Variants in CELF4 observed in about 807,000 individuals in gnomAD.
The protein encoded by CELF4 is CUG-BP- and ETR-3-like factor 4.
CELF4 carries 18 observed loss-of-function variants against 59.9 expected under a neutral mutation model. The ratio of observed to expected loss-of-function variants is 0.30; its 90% CI spans 0.21 to 0.45. CELF4 has a LOEUF of 0.45. Ranked by LOEUF, CELF4 falls within the 20% of genes least tolerant of loss-of-function variation. The pLI is 1.00. For synonymous variants in CELF4, 261 were observed against 267.1 expected, an observed-to-expected ratio of 0.98 and a Z score of 0.22; for missense variants, 456 against 689.0, an observed-to-expected ratio of 0.66 and a Z score of 3.79.
At chr18:37,292,119 G>C (rs1258048049) in intron 3 of CELF4, among the ~76,000 whole-genome samples, 1 of 152,130 alleles carries the variant, frequency 6.6e-6, no homozygotes, top group Non-Finnish European at 1.5e-5. Flanking sequence ...ACCAGATATG[G>C]AATCTGCTGG....
chr18:37,264,850 A>C (rs1004433751), intron 9 of CELF4, 93 bp from the exon 10 acceptor site: 22 of 1,127,032 alleles, frequency 2.0e-5, no homozygotes, highest in Non-Finnish European at 2.4e-5. Context: ...CAGTAAAAGC[A>C]GATCAGCCAA....
intron 3 of CELF4, among the ~76,000 whole-genome samples, chr18:37,297,750 C>T (rs977308409): frequency 1.3e-5 from 2 of 152,234 alleles, no homozygotes; most frequent in African/African-American, 4.8e-5. Context: ...ACGTCTTTCA[C>T]CACTTTTTGG....
Position 37,274,422 on chromosome 18 carries a change from G to A in CELF4, c.690C>T (p.Ala230=). The change falls in exon 6 of 13, where the codon GCC becomes GCT. Residue 230 remains alanine (A), a synonymous_variant. Transcript: ENST00000420428. ...GASSSLVVKF[A]DTDKERTMRR... is the part of the protein sequence containing the mutation. ...GCATCGTGCGCTCCTTGTCGGTGTC[G>A]GCGAACTTGACCACCAGACTGGACG... 6.2e-7 allele frequency: 1 copy of A among 1,613,330 alleles called. No homozygotes were observed. The highest frequency in any genetic ancestry group is 1.1e-5 in the South Asian group (1 of 91,068).
chr18:37,536,218 G>A (rs1184571071), intron 1 of CELF4, among the ~76,000 whole-genome samples: 1 of 152,116 alleles, frequency 6.6e-6, no homozygotes, highest in Non-Finnish European at 1.5e-5. Context: ...TCCCTGGAGG[G>A]GTGATGGGAG....
intron 3 of CELF4, among the ~76,000 whole-genome samples, chr18:37,285,957 C>T (rs994234106): frequency 6.6e-6 from 1 of 152,226 alleles, no homozygotes; most frequent in African/African-American, 2.4e-5. Flanking sequence ...GGCACACTCT[C>T]CTGCATTTCA....
chr18:37,351,760 G>A (rs1269509776), intron 2 of CELF4, among the ~76,000 whole-genome samples: 2 of 151,838 alleles, frequency 1.3e-5, no homozygotes, highest in Non-Finnish European at 2.9e-5. Context: ...ACAGGTGCAC[G>A]CCACCACGCC....
intron 1 of CELF4, among the ~76,000 whole-genome samples, chr18:37,553,609 A>G (rs1380777110): frequency 6.6e-6 from 1 of 152,220 alleles, no homozygotes; most frequent in Admixed American, 6.5e-5. Flanking sequence ...TCACATGGAT[A>G]CAGAAATGAC....
At chr18:37,423,602 G>A (rs1428656283) in intron 2 of CELF4, among the ~76,000 whole-genome samples, 1 of 152,136 alleles carries the variant, frequency 6.6e-6, no homozygotes, top group East Asian at 1.9e-4. Flanking sequence ...ACCCAGCAAT[G>A]GCAGGTGGGC....
intron 1 of CELF4, among the ~76,000 whole-genome samples, chr18:37,503,063 C>T (rs1208627070): frequency 6.6e-6 from 1 of 152,174 alleles, no homozygotes; most frequent in Non-Finnish European, 1.5e-5. Flanking sequence ...CAGAGGATAC[C>T]CATGAGGCAC....
In CELF4 at chr18:37,442,873, C is replaced by T. The variant is rs139173417; in HGVS notation, c.369+42652G>A. The stretch of plus-strand genomic sequence containing the variant: ...ATCTCCCCCTCTCCGTCCTGTTAAG[C>T]TCTCCTTCCTTTTCTTACACAGTAC... On this transcript the variant is annotated intron_variant, in intron 2 of 12. Transcript: ENST00000420428. 2.2e-3 allele frequency among the ~76,000 whole-genome samples: 336 copies of T among 152,272 alleles called. 1 individual carries two copies. The highest frequency in any genetic ancestry group is 7.7e-3 in the African/African-American group (318 of 41,550).
chr18:37,470,499 C>T (rs1319438019), intron 2 of CELF4, among the ~76,000 whole-genome samples: 4 of 152,154 alleles, frequency 2.6e-5, no homozygotes, highest in Admixed American at 2.6e-4. Context: ...AATCATGGAG[C>T]CTTTTCAAGA....
chr18:37,421,838 A>G (rs1228309236), intron 2 of CELF4, among the ~76,000 whole-genome samples: 1 of 152,260 alleles, frequency 6.6e-6, no homozygotes, highest in Non-Finnish European at 1.5e-5. Context: ...TGTGAATTCA[A>G]GCCTTCCTCA....
At position 37,245,033 on chromosome 18, in the gene CELF4, G is replaced by A. The variant is rs1043055543; in HGVS notation, c.*209C>T. ...CACGTGCCCTCTGAACTCCATAGAC[G>A]CTATACTTTCCTTGAAGAAATGTTA... On this transcript the variant is annotated 3_prime_UTR_variant, in exon 13 of 13. Transcript: ENST00000420428. The surrounding 1 kb of genome is among the most constrained non-coding windows in gnomAD (Gnocchi z 4.1). The A allele has an allele frequency of 3.3e-5, 5 of 152,264 alleles. No homozygotes were observed. 9.4% of individuals were successfully genotyped at this position (152,264 alleles called of 1,614,324 possible). A position where few individuals can be genotyped will look rare whatever the true frequency, so the allele number is the denominator to read the frequency against.
rs145768696 is a variant in CELF4 at position 37,358,388 on chromosome 18, C to T, written c.370-36507G>A. 2.9e-3 allele frequency among the ~76,000 whole-genome samples: 435 copies of T among 152,320 alleles called. 2 individuals carry two copies. Among genetic ancestry groups the T allele is most frequent in the African/African-American group, 9.6e-3 (400 of 41,576 alleles). The stretch of plus-strand genomic sequence containing the variant: ...CTTGCCTTCCGCCATGATTGTGAGG[C>T]TTCCCCAGCCACGTGGAACTGTGAG... On this transcript the variant is annotated intron_variant, in intron 2 of 12. Coordinates refer to ENST00000420428, the MANE Select transcript of CELF4 (RefSeq NM_020180.4).
intron 2 of CELF4, among the ~76,000 whole-genome samples, chr18:37,480,769 A>G (rs1380921477): frequency 6.6e-6 from 1 of 152,102 alleles, no homozygotes; most frequent in African/African-American, 2.4e-5. Flanking sequence ...CTGAAGGATA[A>G]AAGAAGAAAG....
At position 37,245,666 on chromosome 18, in the gene CELF4, G is replaced by A. The variant is rs1222119952; in HGVS notation, c.*45-469C>T. 6.6e-6 allele frequency among the ~76,000 whole-genome samples: 1 copy of A among 152,168 alleles called. No homozygotes were observed. Among genetic ancestry groups the A allele is most frequent in the African/African-American group, 2.4e-5 (1 of 41,438 alleles). On this transcript the variant is annotated intron_variant, in intron 12 of 12. Transcript: ENST00000420428. The surrounding 1 kb of genome is among the most constrained non-coding windows in gnomAD (Gnocchi z 4.1). ...CAAGGGAAAGAAGGAAGACACATCC[G>A]TGACTCAAATTTTGTAGAATCCTTG...
intron 2 of CELF4, among the ~76,000 whole-genome samples, chr18:37,404,706 C>A (rs538435512): frequency 6.6e-6 from 1 of 152,176 alleles, no homozygotes; most frequent in Non-Finnish European, 1.5e-5. Flanking sequence ...AGCAGAGAGC[C>A]AGGATGGAGA....
At chr18:37,348,516 G>C (rs2098348774) in intron 2 of CELF4, among the ~76,000 whole-genome samples, 1 of 152,152 alleles carries the variant, frequency 6.6e-6, no homozygotes, top group African/African-American at 2.4e-5. Context: ...TCTGGGGCCA[G>C]GGGCTCAAGT....
chr18:37,470,920 G>GAGAGAGAGAGAGAGAGA (rs374277745), intron 2 of CELF4, among the ~76,000 whole-genome samples: 3 of 147,360 alleles, frequency 2.0e-5, no homozygotes, highest in Non-Finnish European at 4.5e-5. Context: ...GAGAGAGAGA[G>GAGAGAGAGAGAGAGAGA]GTGGAGCCTC....
Sources: allele counts gnomAD v4.1 joint callset (sites outside exome capture counted in the v4.1 genomes callset), GRCh38; gene constraint gnomAD v4.1.1; non-coding constraint Gnocchi (gnomAD v3.1); transcripts MANE v1.5; gene names NCBI Gene and HGNC (gene_info 2026-07-23, HGNC 2026-07-21).